The following UBR2 variants were observed in gnomAD, a reference collection of about 807,000 sequenced individuals.
UBR2 encodes the protein ubiquitin protein ligase E3 component n-recognin 2.
UBR2 carries 92 observed loss-of-function variants against 247.9 expected under a neutral mutation model. That is an observed-to-expected ratio of 0.37 (90% CI 0.31 to 0.44). UBR2 has a LOEUF of 0.44. Among genes scored for constraint, UBR2 ranks in the 20% least tolerant of loss-of-function variants. The pLI, the probability that UBR2 is intolerant of heterozygous loss-of-function variation, is 1.00. For missense variants in UBR2, 1,613 were observed against 2,112.6 expected, an observed-to-expected ratio of 0.76 and a Z score of 4.64; for synonymous variants, 672 against 693.5, an observed-to-expected ratio of 0.97 and a Z score of 0.49.
chr6:42,636,458 C>T (rs1362272785), intron 14 of UBR2, among the ~76,000 whole-genome samples: 1 of 152,104 alleles, frequency 6.6e-6, no homozygotes, highest in Non-Finnish European at 1.5e-5. Context: ...GAATTACCAG[C>T]GTGAGCCACC....
At position 42,691,326 on chromosome 6, in the gene UBR2, C is replaced by T; in HGVS notation, c.*153C>T. ...TCTGGTTCTGAGGACTGATGAAAATCATCTTCCATCAGCAGATTTTCTTGC... is the reference window on the plus strand; with the variant it reads ...TCTGGTTCTGAGGACTGATGAAAATTATCTTCCATCAGCAGATTTTCTTGC... On this transcript the variant is annotated 3_prime_UTR_variant, in exon 47 of 47. Coordinates refer to ENST00000372901, the MANE Select transcript of UBR2 (RefSeq NM_001363705.2). 1.0e-6 allele frequency: 1 copy of T among 999,770 alleles called. No individual in the cohort carries two copies. Among genetic ancestry groups the T allele is most frequent in the Non-Finnish European group, 1.5e-6 (1 of 686,262 alleles). 61.9% of individuals were successfully genotyped at this position (999,770 alleles called of 1,614,324 possible).
At position 42,574,676 on chromosome 6, in the gene UBR2, A is replaced by T. The variant is rs561011106; in HGVS notation, c.338+683A>T. On this transcript the variant is annotated intron_variant, in intron 2 of 46. Coordinates refer to ENST00000372901, the MANE Select transcript of UBR2 (RefSeq NM_001363705.2). ...TTAATCATTGTTAACATTTTCCCATATATCATTTCAGAAATTTTCCTTTTT... is the reference window on the plus strand; with the variant it reads ...TTAATCATTGTTAACATTTTCCCATTTATCATTTCAGAAATTTTCCTTTTT... Among the ~76,000 whole-genome samples, 6 of 148,444 alleles carry T rather than the reference A, an allele frequency of 4.0e-5. No individual in the cohort carries two copies. The East Asian group carries it at 1.2e-3, about 29-fold the overall frequency.
At chr6:42,615,898 A>T in intron 9 of UBR2, 104 bp from the exon 10 acceptor site, 1 of 874,224 alleles carries the variant, frequency 1.1e-6, no homozygotes, top group Non-Finnish European at 1.7e-6. Context: ...TCTCAAAAGT[A>T]AAAACAAAAC....
chr6:42,612,092 T>G (rs772659218), intron 7 of UBR2, 79 bp from the exon 8 acceptor site: 57 of 1,336,850 alleles, frequency 4.3e-5, no homozygotes, highest in Non-Finnish European at 5.2e-5. Context: ...GTGGTTATAT[T>G]AAGTAAAAAT....
chr6:42,635,935 G>C (rs563047709), intron 14 of UBR2, among the ~76,000 whole-genome samples: 2 of 152,178 alleles, frequency 1.3e-5, no homozygotes, highest in Non-Finnish European at 2.9e-5. Flanking sequence ...GTCTAGATGA[G>C]AGCCTGTATA....
At chr6:42,676,919 G>A in intron 40 of UBR2, 46 bp downstream of exon 40, 1 of 1,398,852 alleles carries the variant, frequency 7.1e-7, no homozygotes, top group Non-Finnish European at 1.0e-6. Context: ...AATATTGCTA[G>A]ATGATGATAG....
intron 4 of UBR2, among the ~76,000 whole-genome samples, chr6:42,598,860 T>A (rs1793171139): frequency 6.6e-6 from 1 of 152,246 alleles, no homozygotes; most frequent in African/African-American, 2.4e-5. Flanking sequence ...ACCTTGACTA[T>A]GGTTTATTTT....
chr6:42,683,466 T>A (rs1799173679), intron 43 of UBR2, among the ~76,000 whole-genome samples: 1 of 152,226 alleles, frequency 6.6e-6, no homozygotes, highest in African/African-American at 2.4e-5. Flanking sequence ...AGGCTCCACA[T>A]ACTTGTCATT....
At chr6:42,573,420 A>G (rs1439124360) in intron 1 of UBR2, among the ~76,000 whole-genome samples, 2 of 152,198 alleles carry the variant, frequency 1.3e-5, no homozygotes, top group Non-Finnish European at 1.5e-5. Flanking sequence ...GGTGAGCTCA[A>G]TGGTTCATAT....
chr6:42,641,959 C>T (rs551740499), intron 17 of UBR2, among the ~76,000 whole-genome samples: 51 of 152,032 alleles, frequency 3.4e-4, no homozygotes, highest in African/African-American at 1.2e-3. Flanking sequence ...AATAAAAACC[C>T]AGATTTTATC....
At position 42,612,214 on chromosome 6, in the gene UBR2, T is replaced by C. The variant is rs759861695; in HGVS notation, c.908T>C (p.Met303Thr). ...RQTKPLKVQV[M>T]HSSIVAHQNF... ...ACAAAGCCACTCAAAGTTCAAGTTA[T>C]GCATTCGTCTATTGTCGCACATCAG... Residue 303 changes from methionine (M) to threonine (T), a missense_variant, in exon 8 of 47, where the codon ATG becomes ACG. Transcript: ENST00000372901. 2 of 1,555,768 alleles carry C rather than the reference T, an allele frequency of 1.3e-6. No individual in the cohort carries two copies. The highest frequency in any genetic ancestry group is 1.7e-5 in the Admixed American group (1 of 59,474).
At chr6:42,636,941 T>G (rs566172395) in intron 14 of UBR2, 70 bp from the exon 15 acceptor site, 212 of 1,509,208 alleles carry the variant, frequency 1.4e-4, no homozygotes, top group Non-Finnish European at 1.8e-4. Context: ...CTCACTGAAT[T>G]TAAGGTGCTT....
At position 42,652,018 on chromosome 6, in the gene UBR2, A is replaced by T; in HGVS notation, c.2566-5A>T. On this transcript the variant is annotated splice_polypyrimidine_tract_variant and splice_region_variant and intron_variant, in intron 23 of 46. Transcript: ENST00000372901. ...CCCGGTCCAAATAACTTTATTTTTT[A>T]TTAGGCAGAAGAAGCGCAACGGAAA... 6.3e-7 allele frequency: 1 copy of T among 1,587,520 alleles called. No individual in the cohort carries two copies. Among genetic ancestry groups the T allele is most frequent in the Non-Finnish European group, 8.5e-7 (1 of 1,171,218 alleles).
chr6:42,670,360 AAGACTT>A (rs1368398003), intron 35 of UBR2, 120 bp downstream of exon 35: 1 of 1,267,700 alleles, frequency 7.9e-7, no homozygotes, highest in Non-Finnish European at 1.1e-6. Context: ...AAATAATAAA[AAGACTT>A]AGAAGCAAGA....
rs1365533685 is a variant in UBR2 at position 42,670,727 on chromosome 6, G to T, written c.4086+12G>T. 2 of 1,603,548 alleles carry T rather than the reference G, an allele frequency of 1.2e-6. No individual in the cohort carries two copies. Among genetic ancestry groups the T allele is most frequent in the Non-Finnish European group, 8.5e-7 (1 of 1,174,564 alleles). ...TACCTTGCAGACTGGTAAGTTCTCA[G>T]TTTATTCAGTTCATGATAGTGGGGC... On this transcript the variant is annotated intron_variant, in intron 36 of 46. Transcript: ENST00000372901.
intron 1 of UBR2, among the ~76,000 whole-genome samples, chr6:42,564,672 C>T (rs550944622): frequency 3.9e-5 from 6 of 152,384 alleles, no homozygotes; most frequent in African/African-American, 1.4e-4. Flanking sequence ...CCTCCTTTCC[C>T]CCAGCCTCCC....
chr6:42,632,562 T>G lies in UBR2; in HGVS notation c.1292T>G (p.Leu431Arg). ...IFTVPSLARM[L>R]ITEENLMSII... ...AAACTTTGTTTTTAGGCTCGAATGC[T>G]CATCACAGAAGAAAACTTAATGAGC... is the stretch of plus-strand genomic sequence containing the variant. The change falls in exon 12 of 47, where the codon CTC (leucine) becomes CGC (arginine). Residue 431 changes from leucine (L) to arginine (R), a missense_variant. By Grantham distance (102) the Leu-to-Arg change is moderately radical. Coordinates refer to ENST00000372901, the MANE Select transcript of UBR2 (RefSeq NM_001363705.2). 1 of 1,604,730 alleles carries G rather than the reference T, an allele frequency of 6.2e-7. No homozygotes were observed. The highest frequency in any genetic ancestry group is 1.1e-5 in the South Asian group (1 of 89,182).
intron 8 of UBR2, 143 bp from the exon 9 acceptor site, chr6:42,614,928 G>A: frequency 1.7e-6 from 1 of 583,492 alleles, no homozygotes; most frequent in Non-Finnish European, 2.8e-6. Context: ...TAATAAAACA[G>A]TTAATATGTT....
At chr6:42,640,418 G>GATACA in intron 16 of UBR2, 148 bp downstream of exon 16, 2 of 502,440 alleles carry the variant, frequency 4.0e-6, no homozygotes, top group East Asian at 3.7e-5. Context: ...GTGTGTGTGT[G>GATACA]TGTGTGTGTG....
Sources: gnomAD v4.1 joint callset for allele counts (sites outside exome capture counted in the v4.1 genomes callset) on GRCh38, gnomAD v4.1.1 for gene constraint, MANE v1.5 for transcripts, NCBI Gene and HGNC (gene_info 2026-07-23, HGNC 2026-07-21) for gene names.